The following CEP83 variants were observed in gnomAD, a reference collection of about 807,000 sequenced individuals.
The protein encoded by CEP83 is centrosomal protein 83.
In CEP83, 70 loss-of-function variants were observed where a neutral mutation model predicts 101.9. The ratio of observed to expected loss-of-function variants is 0.69; its 90% CI spans 0.57 to 0.84. The LOEUF (loss-of-function observed/expected upper bound fraction) is 0.84. CEP83 is among the 40% of genes least tolerant of loss of function. CEP83 has a pLI of 0.00. For synonymous variants in CEP83, 264 were observed against 267.9 expected (o/e 0.99, Z 0.14); for missense variants, 715 against 787.2 (o/e 0.91, Z 1.10).
rs575686245 is a variant in CEP83 at position 94,315,254 on chromosome 12, G to A, written c.1708-2237C>T. On this transcript the variant is annotated intron_variant, in intron 14 of 16. Coordinates refer to ENST00000397809, the MANE Select transcript of CEP83 (RefSeq NM_016122.3). ...ATTTTTGCCAGTACTTGGTATGGTC[G>A]GTCTTTTAGCTTTTGCATCCTGTTT... Among the ~76,000 whole-genome samples the A allele has an allele frequency of 9.9e-5, 15 of 152,094 alleles. No homozygotes were observed. In the East Asian group the frequency reaches 1.7e-3, roughly 18 times the overall value.
chr12:94,340,140 C>G (rs781755899), intron 11 of CEP83, among the ~76,000 whole-genome samples: 54 of 152,224 alleles, frequency 3.5e-4, no homozygotes, highest in Non-Finnish European at 5.7e-4. Flanking sequence ...AAGAAAAAAA[C>G]AGAAAGCCCC....
At chr12:94,413,129 C>G (rs2064013846) in intron 2 of CEP83, among the ~76,000 whole-genome samples, 1 of 152,254 alleles carries the variant, frequency 6.6e-6, no homozygotes, top group Non-Finnish European at 1.5e-5. Context: ...GCTGGGATTA[C>G]AGGCGTGAGC....
At chr12:94,456,019 G>C (rs1175596706) in intron 1 of CEP83, among the ~76,000 whole-genome samples, 2 of 149,554 alleles carry the variant, frequency 1.3e-5, no homozygotes, top group Non-Finnish European at 3.0e-5. Context: ...CTACGCTCCA[G>C]CCTGGGCGAC....
intron 4 of CEP83, among the ~76,000 whole-genome samples, chr12:94,406,797 G>A (rs1352014390): frequency 6.6e-6 from 1 of 151,640 alleles, no homozygotes; most frequent in Non-Finnish European, 1.5e-5. Flanking sequence ...CGTGGTGGCG[G>A]GCACCTATAG....
intron 6 of CEP83, among the ~76,000 whole-genome samples, chr12:94,399,724 G>A (rs2063137749): frequency 6.6e-6 from 1 of 152,034 alleles, no homozygotes; most frequent in African/African-American, 2.4e-5. Context: ...ACCTCCTCTT[G>A]ATCAATCAAT....
At chr12:94,318,155 C>A (rs1725441959) in intron 14 of CEP83, among the ~76,000 whole-genome samples, 1 of 151,960 alleles carries the variant, frequency 6.6e-6, no homozygotes, top group Admixed American at 6.6e-5. Flanking sequence ...TAGCTGTATT[C>A]CTAGGTATTT....
Position 94,333,586 on chromosome 12 carries a change from G to C in CEP83, c.1473C>G (p.Asp491Glu), listed in dbSNP as rs371273770. Residue 491 changes from aspartate (D) to glutamate (E), a missense_variant, in exon 13 of 17, where the codon GAC (aspartate) becomes GAG (glutamate). Transcript: ENST00000397809. Reference protein sequence around the residue: ...QVTSLAQSENDLLNSNQMLKE... With the variant: ...QVTSLAQSENELLNSNQMLKE... The stretch of plus-strand genomic sequence containing the variant: ...TCAGCATTTGGTTTGAATTCAGCAA[G>C]TCATTCTCTGACTGTGCAAGTGAAG... 3 of 1,613,708 alleles carry C rather than the reference G, an allele frequency of 1.9e-6. No homozygotes were observed. Among genetic ancestry groups the C allele is most frequent in the Non-Finnish European group, 2.5e-6 (3 of 1,179,724 alleles).
At chr12:94,429,948 G>A (rs1195219255) in intron 2 of CEP83, among the ~76,000 whole-genome samples, 1 of 152,206 alleles carries the variant, frequency 6.6e-6, no homozygotes, top group Non-Finnish European at 1.5e-5. Flanking sequence ...CTCCCCAGCA[G>A]TAGGGCTGCA....
At chr12:94,413,853 C>T (rs1290319523) in intron 2 of CEP83, among the ~76,000 whole-genome samples, 2 of 151,624 alleles carry the variant, frequency 1.3e-5, no homozygotes, top group African/African-American at 4.9e-5. Context: ...CACACACACA[C>T]ACACACACAC....
intron 1 of CEP83, among the ~76,000 whole-genome samples, chr12:94,447,923 A>G (rs1179759444): frequency 6.6e-6 from 1 of 152,122 alleles, no homozygotes; most frequent in Non-Finnish European, 1.5e-5. Flanking sequence ...AAATGAGACA[A>G]ATAGAAAACA....
At chr12:94,343,400 C>T (rs950303513) in intron 11 of CEP83, among the ~76,000 whole-genome samples, 1 of 149,570 alleles carries the variant, frequency 6.7e-6, no homozygotes, top group Non-Finnish European at 1.5e-5. Context: ...AAAGAAACAT[C>T]AGAGTGTTCC....
At chr12:94,392,229 T>C (rs1486540906) in intron 6 of CEP83, among the ~76,000 whole-genome samples, 3 of 152,024 alleles carry the variant, frequency 2.0e-5, no homozygotes, top group Non-Finnish European at 4.4e-5. Context: ...AAATTGACCA[T>C]ATAATTGAAC....
chr12:94,400,127 A>G (rs2063166265), intron 6 of CEP83, among the ~76,000 whole-genome samples: 1 of 152,264 alleles, frequency 6.6e-6, no homozygotes, highest in African/African-American at 2.4e-5. Context: ...GTTTGTAAAC[A>G]GAATATTTCA....
intron 14 of CEP83, among the ~76,000 whole-genome samples, chr12:94,321,069 C>G (rs1466709621): frequency 2.0e-5 from 3 of 152,074 alleles, no homozygotes; most frequent in Non-Finnish European, 2.9e-5. Flanking sequence ...TTTGTTCATT[C>G]TTTTCTATTC....
At chr12:94,348,058 T>C (rs896578542) in intron 11 of CEP83, among the ~76,000 whole-genome samples, 6 of 152,186 alleles carry the variant, frequency 3.9e-5, no homozygotes, top group Admixed American at 2.6e-4. Flanking sequence ...TGTACTGAAC[T>C]GTATGTTTTA....
intron 6 of CEP83, among the ~76,000 whole-genome samples, chr12:94,380,084 A>C (rs541106449): frequency 0.02 from 2,500 of 126,624 alleles, 35 homozygotes; most frequent in African/African-American, 0.036. Flanking sequence ...AAAAAAAAAA[A>C]AAAAAACAAA....
At chr12:94,312,712 T>C in intron 15 of CEP83, 2 of 985,392 alleles carry the variant, frequency 2.0e-6, no homozygotes, top group Non-Finnish European at 2.4e-6. Context: ...GGCAAACACC[T>C]GGTATGTGAC....
intron 6 of CEP83, among the ~76,000 whole-genome samples, chr12:94,397,055 A>T (rs1197790548): frequency 6.6e-6 from 1 of 152,258 alleles, no homozygotes; most frequent in Admixed American, 6.5e-5. Context: ...ATCCACAATT[A>T]TACACTCAGT....
At chr12:94,380,615 T>C (rs2061794948) in intron 6 of CEP83, among the ~76,000 whole-genome samples, 1 of 152,172 alleles carries the variant, frequency 6.6e-6, no homozygotes, top group Non-Finnish European at 1.5e-5. Flanking sequence ...TGAGGTAACC[T>C]GATATGGTTT....
Sources: gnomAD v4.1 joint callset for allele counts (sites outside exome capture counted in the v4.1 genomes callset) on GRCh38, gnomAD v4.1.1 for gene constraint, MANE v1.5 for transcripts, NCBI Gene and HGNC (gene_info 2026-07-23, HGNC 2026-07-21) for gene names.